PAX3: variants seen among roughly 807,000 people sequenced by gnomAD.
PAX3 encodes paired box protein Pax-3.
A neutral mutation model predicts 51.6 loss-of-function variants in PAX3; 14 were observed. The ratio of observed to expected loss-of-function variants is 0.27; its 90% CI spans 0.18 to 0.42. The LOEUF is 0.42. Among genes scored for constraint, PAX3 ranks in the 10% least tolerant of loss-of-function variants. PAX3 has a pLI of 1.00. For synonymous variants in PAX3, 280 were observed against 253.4 expected (o/e 1.11, Z -1.00); for missense variants, 540 against 642.8 (o/e 0.84, Z 1.73).
intron 5 of PAX3, among the ~76,000 whole-genome samples, chr2:222,222,593 G>C (rs760069284): frequency 6.6e-6 from 1 of 152,042 alleles, no homozygotes; most frequent in South Asian, 2.1e-4. Flanking sequence ...TAGTAGAGAC[G>C]GGGTTTCACC....
intron 4 of PAX3, among the ~76,000 whole-genome samples, chr2:222,249,336 A>G (rs1033040969): frequency 2.6e-5 from 4 of 152,158 alleles, no homozygotes; most frequent in African/African-American, 7.2e-5. Flanking sequence ...ATACAAGAAG[A>G]CATCAACAAT....
chr2:222,200,061 A>G lies in PAX3; in HGVS notation c.*1347T>C. On this transcript the variant is annotated 3_prime_UTR_variant, in exon 9 of 9. Coordinates refer to ENST00000392070, the MANE Select transcript of PAX3 (RefSeq NM_181458.4). ...ATGAACTAAATTCGGTACTATGTCT[A>G]GTCTCACTAACTCGCTACGTCATAG... 1 of 208,890 alleles carries G rather than the reference A, an allele frequency of 4.8e-6. No homozygotes were observed. 12.9% of individuals were successfully genotyped at this position (208,890 alleles called of 1,614,324 possible). A position where few individuals can be genotyped will look rare whatever the true frequency, so the allele number is the denominator to read the frequency against.
chr2:222,290,152 T>C (rs1694977160), intron 4 of PAX3, among the ~76,000 whole-genome samples: 1 of 152,190 alleles, frequency 6.6e-6, no homozygotes, highest in Admixed American at 6.5e-5. Context: ...CCCTTAATGA[T>C]AAGAGTGCTC....
At chr2:222,284,780 G>C (rs1694776678) in intron 4 of PAX3, among the ~76,000 whole-genome samples, 1 of 152,182 alleles carries the variant, frequency 6.6e-6, no homozygotes, top group South Asian at 2.1e-4. Flanking sequence ...TTTGAGTTTT[G>C]CTGCTAGGTG....
At chr2:222,288,597 C>T (rs1474082884) in intron 4 of PAX3, among the ~76,000 whole-genome samples, 1 of 152,136 alleles carries the variant, frequency 6.6e-6, no homozygotes, top group African/African-American at 2.4e-5. Flanking sequence ...TTTAGGGAAA[C>T]TTTTGTATTT....
At chr2:222,230,143 T>C (rs1417150924) in intron 5 of PAX3, among the ~76,000 whole-genome samples, 1 of 151,736 alleles carries the variant, frequency 6.6e-6, no homozygotes, top group African/African-American at 2.4e-5. Context: ...ACCACTGTAC[T>C]CCAACCTGGG....
intron 4 of PAX3, among the ~76,000 whole-genome samples, chr2:222,244,072 C>G (rs1367414): frequency 0.5 from 76,580 of 152,046 alleles, 20,173 homozygotes; most frequent in South Asian, 0.63. Context: ...CAAGGTGGTC[C>G]TTCAGATTAG....
intron 4 of PAX3, among the ~76,000 whole-genome samples, chr2:222,260,576 T>G (rs1693815722): frequency 1.3e-5 from 1 of 75,822 alleles, no homozygotes; most frequent in Non-Finnish European, 2.7e-5. Context: ...TTTTTTTTTT[T>G]TGTTTTTTTT....
Position 222,233,613 on chromosome 2 carries a change from A to C in PAX3, c.587-1330T>G, listed in dbSNP as rs571181288. Among the ~76,000 whole-genome samples, 9 of 152,276 alleles carry C rather than the reference A, an allele frequency of 5.9e-5. No homozygotes were observed. In the East Asian group the frequency reaches 1.7e-3, roughly 29 times the overall value. ...TCTGCAGTGTGAGGGAGAATGCATCAGACCAGGGCTACAGGCAGGAAGAGC... is the reference window on the plus strand; with the variant it reads ...TCTGCAGTGTGAGGGAGAATGCATCCGACCAGGGCTACAGGCAGGAAGAGC... On this transcript the variant is annotated intron_variant, in intron 4 of 8. Coordinates refer to ENST00000392070, the MANE Select transcript of PAX3 (RefSeq NM_181458.4).
At chr2:222,290,295 A>C (rs964993567) in intron 4 of PAX3, among the ~76,000 whole-genome samples, 1 of 152,232 alleles carries the variant, frequency 6.6e-6, no homozygotes. Context: ...AAAAGCTGAC[A>C]AGCTTACAAA....
intron 4 of PAX3, chr2:222,233,180 G>T (rs929944401): frequency 1.3e-5 from 2 of 151,288 alleles, no homozygotes; most frequent in East Asian, 3.9e-4. Context: ...CCAATCCCAG[G>T]GCCTTCTGAG....
chr2:222,297,316 T>A, intron 1 of PAX3, 103 bp from the exon 2 acceptor site: 3 of 859,820 alleles, frequency 3.5e-6, no homozygotes, highest in Non-Finnish European at 5.8e-6. Flanking sequence ...CCTATCCTCA[T>A]GTTACAGCAC....
chr2:222,219,299 C>T (rs1692090315), intron 7 of PAX3, among the ~76,000 whole-genome samples: 1 of 152,070 alleles, frequency 6.6e-6, no homozygotes, highest in African/African-American at 2.4e-5. Flanking sequence ...TTCTCGATTG[C>T]AATTATAGAT....
At chr2:222,236,507 T>G (rs1692803234) in intron 4 of PAX3, among the ~76,000 whole-genome samples, 1 of 152,200 alleles carries the variant, frequency 6.6e-6, no homozygotes, top group South Asian at 2.1e-4. Context: ...CTTAAGCTAC[T>G]AGAATCAATT....
Position 222,295,676 on chromosome 2 carries a change from G to A in PAX3, c.322-19C>T. Reference sequence around the variant, plus strand: ...TCACCTGCTTTAAGAGAACAGGCGGGCAGGCGTTGGTACCCGGTACCCTGG... The same window carrying A: ...TCACCTGCTTTAAGAGAACAGGCGGACAGGCGTTGGTACCCGGTACCCTGG... On this transcript the variant is annotated intron_variant, in intron 2 of 8. Coordinates refer to ENST00000392070, the MANE Select transcript of PAX3 (RefSeq NM_181458.4). 4.3e-6 allele frequency: 7 copies of A among 1,613,858 alleles called. No individual in the cohort carries two copies. Among genetic ancestry groups the A allele is most frequent in the Non-Finnish European group, 5.9e-6 (7 of 1,179,992 alleles).
chr2:222,249,865 C>T (rs1294326645), intron 4 of PAX3, among the ~76,000 whole-genome samples: 1 of 152,124 alleles, frequency 6.6e-6, no homozygotes, highest in Non-Finnish European at 1.5e-5. Flanking sequence ...CTCCCCTGAT[C>T]CCCAAATAGC....
rs2106204335 is a variant in PAX3 at position 222,297,202 on chromosome 2, G to T, written c.97C>A (p.Leu33Ile). The T allele has an allele frequency of 1.3e-6, 2 of 1,580,762 alleles. No homozygotes were observed. The highest frequency in any genetic ancestry group is 1.1e-5 in the South Asian group (1 of 86,970). ...SGFPLEVSTP[L>I]GQGRVNQLGG... ...AGCTGGTTGACGCGGCCCTGGCCGA[G>T]GGGAGTGGACACTGTGGGAAGGTGA... Residue 33 changes from leucine (L) to isoleucine (I), a missense_variant, in exon 2 of 9, where the codon CTC becomes ATC. Coordinates refer to ENST00000392070, the MANE Select transcript of PAX3 (RefSeq NM_181458.4).
intron 4 of PAX3, among the ~76,000 whole-genome samples, chr2:222,250,116 G>A (rs554511764): frequency 1.3e-5 from 2 of 152,040 alleles, no homozygotes; most frequent in Non-Finnish European, 2.9e-5. Flanking sequence ...ACAGGTAGGG[G>A]GATCTTATGA....
chr2:222,279,013 C>T (rs969419025), intron 4 of PAX3, among the ~76,000 whole-genome samples: 1 of 152,126 alleles, frequency 6.6e-6, no homozygotes, highest in African/African-American at 2.4e-5. Context: ...TGCAGTGGTG[C>T]GATCTTGGCT....
Sources: allele counts gnomAD v4.1 joint callset (sites outside exome capture counted in the v4.1 genomes callset), GRCh38; gene constraint gnomAD v4.1.1; transcripts MANE v1.5; gene names NCBI Gene and HGNC (gene_info 2026-07-23, HGNC 2026-07-21).